ITPR2: variants seen among roughly 807,000 people sequenced by gnomAD.
ITPR2 encodes inositol 1,4,5-trisphosphate-gated calcium channel ITPR2.
ITPR2 carries 207 observed loss-of-function variants against 317.1 expected under a neutral mutation model. The ratio of observed to expected loss-of-function variants is 0.65; its 90% CI spans 0.58 to 0.73. ITPR2 has a LOEUF of 0.73. Among genes scored for constraint, ITPR2 ranks in the 30% least tolerant of loss-of-function variants. ITPR2 has a pLI of 0.00. For synonymous variants in ITPR2, 1,156 were observed against 1,149.1 expected (o/e 1.01, Z -0.12); for missense variants, 2,613 against 3,284.0 (o/e 0.80, Z 4.99).
intron 37 of ITPR2, 83 bp from the exon 38 acceptor site, chr12:26,495,343 A>G: frequency 1.4e-6 from 1 of 726,454 alleles, no homozygotes; most frequent in East Asian, 2.8e-5. Flanking sequence ...CTTTAAATGC[A>G]TTTTGTGAAT....
At chr12:26,790,076 T>C in intron 2 of ITPR2, 81 bp downstream of exon 2, 2 of 916,798 alleles carry the variant, frequency 2.2e-6, no homozygotes, top group East Asian at 5.0e-5. Context: ...TTGAATAAAG[T>C]TTTAACATTA....
chr12:26,787,643 G>C (rs966644071), intron 2 of ITPR2, among the ~76,000 whole-genome samples: 1 of 152,196 alleles, frequency 6.6e-6, no homozygotes, highest in African/African-American at 2.4e-5. Context: ...CTGACCAACA[G>C]AGGAGTAAGG....
At chr12:26,411,990 A>C (rs1410432864) in intron 51 of ITPR2, among the ~76,000 whole-genome samples, 1 of 152,240 alleles carries the variant, frequency 6.6e-6, no homozygotes, top group African/African-American at 2.4e-5. Context: ...TCCCTGACAC[A>C]GAATAGAATA....
intron 37 of ITPR2, among the ~76,000 whole-genome samples, chr12:26,499,547 T>A (rs1943025642): frequency 6.6e-6 from 1 of 152,192 alleles, no homozygotes; most frequent in Non-Finnish European, 1.5e-5. Flanking sequence ...AATTAAATAG[T>A]TAAAATTTAC....
chr12:26,644,969 G>A (rs577878546), intron 21 of ITPR2, among the ~76,000 whole-genome samples: 8 of 152,220 alleles, frequency 5.3e-5, no homozygotes, highest in South Asian at 2.1e-4. Flanking sequence ...AGCTGCCTAC[G>A]GGGACATAAA....
rs34572032 is a variant in ITPR2 at position 26,832,538 on chromosome 12, G to C, written c.92+152C>G. 2,352 of 519,250 alleles carry C rather than the reference G, an allele frequency of 4.5e-3. 5 individuals carry two copies. Among genetic ancestry groups the C allele is most frequent in the Non-Finnish European group, 6.5e-3 (1,954 of 300,204 alleles). The allele number at this position is 519,250 out of a possible 1,614,324, so 32.2% of individuals were successfully genotyped here. A position where few individuals can be genotyped will look rare whatever the true frequency, so the allele number is the denominator to read the frequency against. On this transcript the variant is annotated intron_variant, in intron 1 of 56. Coordinates refer to ENST00000381340, the MANE Select transcript of ITPR2 (RefSeq NM_002223.4). ...GCTTCCTGCGAGCGGGCGAGCGAGAGAGCGGAGCGCACGGCGCTGTCCGCG... is the reference window on the plus strand; with the variant it reads ...GCTTCCTGCGAGCGGGCGAGCGAGACAGCGGAGCGCACGGCGCTGTCCGCG...
At position 26,658,146 on chromosome 12, in the gene ITPR2, A is replaced by C; in HGVS notation, c.1887-16T>G. 6.5e-7 allele frequency: 1 copy of C among 1,535,918 alleles called. No homozygotes were observed. Among genetic ancestry groups the C allele is most frequent in the Non-Finnish European group, 8.8e-7 (1 of 1,138,788 alleles). ...ATCCAAAAACCTGGCAAAAGAAAAAAATTAAATGGAATATGAAGACAAAGC... is the reference window on the plus strand; with the variant it reads ...ATCCAAAAACCTGGCAAAAGAAAAACATTAAATGGAATATGAAGACAAAGC... On this transcript the variant is annotated splice_polypyrimidine_tract_variant and intron_variant, in intron 16 of 56. Transcript: ENST00000381340.
chr12:26,616,742 A>C (rs1187454069), intron 26 of ITPR2, among the ~76,000 whole-genome samples: 2 of 152,142 alleles, frequency 1.3e-5, no homozygotes, highest in Non-Finnish European at 2.9e-5. Context: ...AACAACATGA[A>C]TTTGAACTGT....
At chr12:26,532,220 C>T (rs779089184) in intron 37 of ITPR2, among the ~76,000 whole-genome samples, 36 of 152,086 alleles carry the variant, frequency 2.4e-4, no homozygotes, top group Middle Eastern at 3.2e-3. Flanking sequence ...TGTTATGTTC[C>T]GTAAAATTCA....
At chr12:26,565,511 T>TAGAC (rs1328164965) in intron 34 of ITPR2, among the ~76,000 whole-genome samples, 1 of 147,248 alleles carries the variant, frequency 6.8e-6, no homozygotes, top group Non-Finnish European at 1.5e-5. Flanking sequence ...GATAGATAGA[T>TAGAC]AGATAGATAG....
Position 26,578,847 on chromosome 12 carries a change from G to A in ITPR2, c.4510-14C>T, listed in dbSNP as rs746311185. The A allele has an allele frequency of 2.5e-6, 4 of 1,593,988 alleles. No homozygotes were observed. The highest frequency in any genetic ancestry group is 2.3e-5 in the South Asian group (2 of 88,888). On this transcript the variant is annotated splice_polypyrimidine_tract_variant and intron_variant, in intron 33 of 56. Transcript: ENST00000381340. ...TGGCTGATGTGTCTAAAACCAGAAA[G>A]AAGGTAGGCAAAAAGAGATGCTAAA...
intron 55 of ITPR2, among the ~76,000 whole-genome samples, chr12:26,342,491 C>CGGT (rs1938152079): frequency 5.4e-5 from 1 of 18,460 alleles, no homozygotes; most frequent in Non-Finnish European, 8.7e-5. Context: ...GTTTGGGTCA[C>CGGT]GGCGGTGGGG....
At chr12:26,598,681 A>T (rs1945914029) in intron 30 of ITPR2, among the ~76,000 whole-genome samples, 1 of 152,134 alleles carries the variant, frequency 6.6e-6, no homozygotes. Context: ...TTGTAAAAAA[A>T]ATCACTGTTA....
At chr12:26,816,690 A>T (rs1482084525) in intron 1 of ITPR2, among the ~76,000 whole-genome samples, 2 of 152,206 alleles carry the variant, frequency 1.3e-5, no homozygotes, top group African/African-American at 4.8e-5. Flanking sequence ...AATTGCGGTA[A>T]GTTTTGTGAA....
At chr12:26,512,808 G>A (rs1943386833) in intron 37 of ITPR2, among the ~76,000 whole-genome samples, 1 of 150,374 alleles carries the variant, frequency 6.7e-6, no homozygotes, top group Non-Finnish European at 1.5e-5. Context: ...TCAACGGACA[G>A]GGAAGGGAAA....
chr12:26,365,671 G>C (rs1035450250), intron 55 of ITPR2, among the ~76,000 whole-genome samples: 2 of 152,116 alleles, frequency 1.3e-5, no homozygotes, highest in African/African-American at 4.8e-5. Context: ...CTAGCTAAAG[G>C]AATAATGTTT....
chr12:26,757,070 G>C lies in ITPR2; in HGVS notation c.164-31305C>G, dbSNP rs193202533. On this transcript the variant is annotated intron_variant, in intron 2 of 56. Coordinates refer to ENST00000381340, the MANE Select transcript of ITPR2 (RefSeq NM_002223.4). Reference sequence around the variant, plus strand: ...TTTACAAATGCCATGGCAATGTCAGGAATTACCCTATATGGTCTAAAAAGG... The same window carrying C: ...TTTACAAATGCCATGGCAATGTCAGCAATTACCCTATATGGTCTAAAAAGG... 5.9e-5 allele frequency among the ~76,000 whole-genome samples: 9 copies of C among 152,292 alleles called. No homozygotes were observed. The East Asian group carries it at 1.7e-3, about 29-fold the overall frequency.
chr12:26,430,950 T>C (rs1467761312), intron 48 of ITPR2, among the ~76,000 whole-genome samples: 1 of 152,170 alleles, frequency 6.6e-6, no homozygotes, highest in African/African-American at 2.4e-5. Flanking sequence ...CCAGCTAAAG[T>C]AGACATCCAC....
intron 23 of ITPR2, among the ~76,000 whole-genome samples, chr12:26,625,034 G>C (rs1256476175): frequency 6.6e-6 from 1 of 152,072 alleles, no homozygotes; most frequent in Non-Finnish European, 1.5e-5. Context: ...CCTGTCATCT[G>C]CAACAACATG....
Sources: allele counts gnomAD v4.1 joint callset (sites outside exome capture counted in the v4.1 genomes callset), GRCh38; gene constraint gnomAD v4.1.1; transcripts MANE v1.5; gene names NCBI Gene and HGNC (gene_info 2026-07-23, HGNC 2026-07-21).